The following TMEM132B variants were observed in gnomAD, a reference collection of about 807,000 sequenced individuals.
TMEM132B encodes transmembrane protein 132B.
TMEM132B carries 18 observed loss-of-function variants against 90.8 expected under a neutral mutation model. That is an observed-to-expected ratio of 0.20 (90% CI 0.14 to 0.29). The LOEUF (loss-of-function observed/expected upper bound fraction) is 0.29, where lower values mean the gene tolerates loss of function less well. TMEM132B is among the 10% of genes least tolerant of loss of function. The probability of loss-of-function intolerance (pLI) is 1.00; values close to 1 mark genes in which losing one functional copy is unlikely to be tolerated. For synonymous variants in TMEM132B, 504 were observed against 523.3 expected, an observed-to-expected ratio of 0.96 and a Z score of 0.50; for missense variants, 1,096 against 1,326.8, an observed-to-expected ratio of 0.83 and a Z score of 2.70.
At chr12:125,244,977 A>C (rs1364605788) in intron 1 of TMEM132B, among the ~76,000 whole-genome samples, 3 of 151,956 alleles carry the variant, frequency 2.0e-5, no homozygotes, top group African/African-American at 7.3e-5. Context: ...ATTGGGGCGG[A>C]TGGAGCTGGG....
chr12:125,456,148 T>C (rs531787300), intron 3 of TMEM132B, among the ~76,000 whole-genome samples: 1 of 152,326 alleles, frequency 6.6e-6, no homozygotes, highest in African/African-American at 2.4e-5. Context: ...CCGCTGGACA[T>C]GTATCAGCAT....
chr12:125,520,176 C>T (rs1028635963), intron 4 of TMEM132B, among the ~76,000 whole-genome samples: 3 of 152,264 alleles, frequency 2.0e-5, no homozygotes, highest in South Asian at 2.1e-4. Flanking sequence ...TTCTCCTGGG[C>T]TTGGTTGAAG....
intron 4 of TMEM132B, among the ~76,000 whole-genome samples, chr12:125,576,101 A>G (rs1295816596): frequency 6.6e-6 from 1 of 152,070 alleles, no homozygotes; most frequent in African/African-American, 2.4e-5. Context: ...AAGTTTTCCA[A>G]TCTATGAACG....
intron 2 of TMEM132B, among the ~76,000 whole-genome samples, chr12:125,372,847 G>A (rs544531110): frequency 6.6e-5 from 10 of 152,106 alleles, no homozygotes; most frequent in South Asian, 4.1e-4. Flanking sequence ...CACACACACC[G>A]TCTTTTCTAG....
chr12:125,347,870 T>A (rs1224302263), intron 1 of TMEM132B, among the ~76,000 whole-genome samples: 2 of 152,236 alleles, frequency 1.3e-5, no homozygotes, highest in Non-Finnish European at 2.9e-5. Context: ...CACACATACA[T>A]GTATGTACTC....
chr12:125,571,085 A>G (rs1368023904), intron 4 of TMEM132B, among the ~76,000 whole-genome samples: 2 of 152,240 alleles, frequency 1.3e-5, no homozygotes, highest in African/African-American at 4.8e-5. Flanking sequence ...TTTAGGCTGA[A>G]AGCTTTCTTT....
At chr12:125,211,067 TC>T (rs1183289275) in intron 1 of TMEM132B, among the ~76,000 whole-genome samples, 1 of 134,564 alleles carries the variant, frequency 7.4e-6, no homozygotes. Flanking sequence ...AGACTCCATC[TC>T]AAAAAAAAAA....
intron 1 of TMEM132B, among the ~76,000 whole-genome samples, chr12:125,222,412 G>A (rs950143192): frequency 6.6e-6 from 1 of 152,108 alleles, no homozygotes; most frequent in African/African-American, 2.4e-5. Context: ...CCAGGAGATC[G>A]TAAATTTGGC....
intron 5 of TMEM132B, among the ~76,000 whole-genome samples, chr12:125,630,684 G>C (rs916592263): frequency 2.0e-5 from 3 of 151,936 alleles, no homozygotes; most frequent in Non-Finnish European, 4.4e-5. Context: ...AGATTATTTT[G>C]TCACCCAGGT....
chr12:125,305,171 A>G (rs1466668366), intron 1 of TMEM132B, among the ~76,000 whole-genome samples: 1 of 151,920 alleles, frequency 6.6e-6, no homozygotes, highest in African/African-American at 2.4e-5. Context: ...GTCTCCTACA[A>G]CTTCTTCAGG....
chr12:125,341,126 C>T (rs920468970), intron 1 of TMEM132B, among the ~76,000 whole-genome samples: 30 of 152,324 alleles, frequency 2.0e-4, no homozygotes, highest in Non-Finnish European at 2.8e-4. Context: ...TTTGCTTGCT[C>T]GAGCTTTCCT....
chr12:125,187,141 C>A (rs1433153792), intron 1 of TMEM132B, among the ~76,000 whole-genome samples: 1 of 152,160 alleles, frequency 6.6e-6, no homozygotes. Context: ...CCTCTCGAGG[C>A]GGGTGGGGAC....
chr12:125,325,715 GTGTGTC>G (rs1472464584), intron 1 of TMEM132B, among the ~76,000 whole-genome samples: 1 of 125,340 alleles, frequency 8.0e-6, no homozygotes, highest in African/African-American at 3.0e-5. Context: ...GTGTGTGTGT[GTGTGTC>G]TGTTTCTAAG....
intron 5 of TMEM132B, among the ~76,000 whole-genome samples, chr12:125,625,163 C>T (rs1294884453): frequency 1.2e-4 from 13 of 109,030 alleles, no homozygotes; most frequent in East Asian, 2.5e-4. Context: ...GACTGAGTCT[C>T]GCTCTGTTGC....
rs185806868 is a variant in TMEM132B at position 125,366,468 on chromosome 12, G to T, written c.959+16125G>T. On this transcript the variant is annotated intron_variant, in intron 2 of 8. Transcript: ENST00000682704. ...TTTTGATAGTGCCATTTTAACTGGG[G>T]TGAGATGGTGAGATGTTTTGATTCA... Among the ~76,000 whole-genome samples the T allele has an allele frequency of 2.0e-5, 3 of 152,234 alleles. No individual in the cohort carries two copies. The East Asian group carries it at 5.8e-4, about 29-fold the overall frequency.
At chr12:125,512,840 A>T (rs2136636477) in intron 3 of TMEM132B, among the ~76,000 whole-genome samples, 1 of 152,256 alleles carries the variant, frequency 6.6e-6, no homozygotes, top group East Asian at 1.9e-4. Context: ...CAGCCATTAG[A>T]TCCTGATGAA....
In TMEM132B at chr12:125,326,679, G is replaced by A. The variant is rs576533591; in HGVS notation, c.68-22773G>A. ...ACTGCTGTCTGCACCGGGGGAGGTC[G>A]GAAGGAAGGGAATGGCCTGGTGCAA... On this transcript the variant is annotated intron_variant, in intron 1 of 8. Coordinates refer to ENST00000682704, the MANE Select transcript of TMEM132B (RefSeq NM_001366854.1). 1.2e-4 allele frequency: 185 copies of A among 1,604,912 alleles called. 1 individual carries two copies. The Middle Eastern group carries it at 2.1e-3, about 19-fold the overall frequency.
At chr12:125,239,300 A>G (rs144821838) in intron 1 of TMEM132B, among the ~76,000 whole-genome samples, 2 of 152,326 alleles carry the variant, frequency 1.3e-5, no homozygotes, top group Admixed American at 1.3e-4. Context: ...GGATAGGGCT[A>G]AGGCTCTCTG....
intron 4 of TMEM132B, among the ~76,000 whole-genome samples, chr12:125,527,063 CATTTACCCTTCTA>C (rs1883487686): frequency 7.0e-6 from 1 of 142,494 alleles, no homozygotes; most frequent in African/African-American, 2.8e-5. Context: ...TCCATCCACC[CATTTACCCTTCTA>C]TCCACCCATC....
Sources: allele counts gnomAD v4.1 joint callset (sites outside exome capture counted in the v4.1 genomes callset), GRCh38; gene constraint gnomAD v4.1.1; transcripts MANE v1.5; gene names NCBI Gene and HGNC (gene_info 2026-07-23, HGNC 2026-07-21).